RTTN: variants seen among roughly 807,000 people sequenced by gnomAD.
The protein encoded by RTTN is rotatin.
RTTN carries 182 observed loss-of-function variants against 269.2 expected under a neutral mutation model. The observed-to-expected ratio is 0.68, with a 90% CI of 0.60 to 0.76. The LOEUF is 0.76. RTTN is among the 30% of genes least tolerant of loss of function. The pLI is 0.00. For missense variants in RTTN, 2,545 were observed against 2,608.6 expected (o/e 0.98, Z 0.53); for synonymous variants, 1,006 against 963.5 (o/e 1.04, Z -0.82).
At chr18:70,190,049 T>C (rs965264779) in intron 9 of RTTN, among the ~76,000 whole-genome samples, 1 of 152,286 alleles carries the variant, frequency 6.6e-6, no homozygotes, top group African/African-American at 2.4e-5. Context: ...GTGGCTTAAG[T>C]AGCAAGAAAT....
chr18:70,075,472 A>G lies in RTTN; in HGVS notation c.4444T>C (p.Tyr1482His). ...IGKPALQALL[Y>H]HCHFYEHLNQ... ...AAATGTTCATAAAAATGGCAGTGAT[A>G]TAAAAGAGCCTGAAGGGCAGGTTTT... Residue 1482 changes from tyrosine (Y) to histidine (H), a missense_variant, in exon 33 of 49, where the codon TAT becomes CAT. Transcript: ENST00000640769. 2.5e-6 allele frequency: 4 copies of G among 1,609,108 alleles called. No homozygotes were observed. The highest frequency in any genetic ancestry group is 3.4e-6 in the Non-Finnish European group (4 of 1,177,820).
chr18:70,135,811 G>C (rs908822586), intron 21 of RTTN, among the ~76,000 whole-genome samples: 1 of 152,132 alleles, frequency 6.6e-6, no homozygotes. Context: ...TGATGGAAAA[G>C]GGAAGTGCTC....
At chr18:70,006,559 C>T (rs2056194395) in intron 46 of RTTN, 75 bp from the exon 47 acceptor site, 1 of 1,103,148 alleles carries the variant, frequency 9.1e-7, no homozygotes, top group Non-Finnish European at 1.4e-6. Flanking sequence ...ACTAGTCAGA[C>T]ACCCCCCTCT....
intron 4 of RTTN, 58 bp downstream of exon 4, chr18:70,201,836 A>G: frequency 9.7e-7 from 1 of 1,033,260 alleles, no homozygotes; most frequent in East Asian, 2.5e-5. Flanking sequence ...TAACGAAAAA[A>G]GTACATTAAT....
intron 14 of RTTN, among the ~76,000 whole-genome samples, chr18:70,163,014 T>TA (rs910916182): frequency 1.6e-4 from 19 of 118,712 alleles, no homozygotes; most frequent in Admixed American, 9.6e-4. Context: ...TTGATAAATT[T>TA]AAAAAAAACT....
In RTTN at chr18:70,169,307, G is replaced by A. The variant is rs184164050; in HGVS notation, c.1477-240C>T. On this transcript the variant is annotated intron_variant, in intron 11 of 48. Coordinates refer to ENST00000640769, the MANE Select transcript of RTTN (RefSeq NM_173630.4). ...ATATCAACTCTTTCTCAAAGCCTAAGATACTAACTACTTTCTTCTTCCCCA... is the reference window on the plus strand; with the variant it reads ...ATATCAACTCTTTCTCAAAGCCTAAAATACTAACTACTTTCTTCTTCCCCA... Among the ~76,000 whole-genome samples, 9 of 152,140 alleles carry A rather than the reference G, an allele frequency of 5.9e-5. No homozygotes were observed. In the East Asian group the frequency reaches 1.7e-3, roughly 29 times the overall value.
intron 16 of RTTN, 77 bp from the exon 17 acceptor site, chr18:70,149,114 T>C (rs2060471848): frequency 3.8e-6 from 5 of 1,302,684 alleles, no homozygotes; most frequent in African/African-American, 1.5e-5. Flanking sequence ...AAGAATTGTA[T>C]TGTCCTATCA....
rs770277745 is a variant in RTTN, at chr18:70,205,667, G to C, written c.-9C>G. The C allele has an allele frequency of 1.9e-6, 3 of 1,614,070 alleles. No homozygotes were observed. Among genetic ancestry groups the C allele is most frequent in the South Asian group, 2.2e-5 (2 of 91,084 alleles). ...AGCCCTGCCAGGACCATCTCGTCCC[G>C]TCAATCTGCAGCCGCCGGAGAATTA... On this transcript the variant is annotated 5_prime_UTR_variant, in exon 1 of 49. Coordinates refer to ENST00000640769, the MANE Select transcript of RTTN (RefSeq NM_173630.4).
At chr18:70,053,091 T>A (rs2057720950) in intron 38 of RTTN, among the ~76,000 whole-genome samples, 2 of 152,188 alleles carry the variant, frequency 1.3e-5, no homozygotes, top group South Asian at 4.1e-4. Context: ...CCAAAGGTCC[T>A]CCAGCTGCTG....
chr18:70,125,586 G>A (rs1439662279), intron 25 of RTTN, among the ~76,000 whole-genome samples: 2 of 151,946 alleles, frequency 1.3e-5, no homozygotes, highest in Non-Finnish European at 2.9e-5. Context: ...ACACAGGTAT[G>A]AACATGCTTC....
chr18:70,149,085 A>T, intron 16 of RTTN, 48 bp from the exon 17 acceptor site: 2 of 1,521,566 alleles, frequency 1.3e-6, no homozygotes, highest in Non-Finnish European at 9.0e-7. Context: ...TTGTATACAT[A>T]ACTTTTCAAC....
At chr18:70,103,725 T>C (rs1267558704) in intron 28 of RTTN, among the ~76,000 whole-genome samples, 6 of 122,650 alleles carry the variant, frequency 4.9e-5, no homozygotes, top group African/African-American at 1.9e-4. Flanking sequence ...CACATCCCCC[T>C]CTCCGAGAAA....
chr18:70,119,768 T>C (rs1243647777), intron 26 of RTTN, among the ~76,000 whole-genome samples: 1 of 152,224 alleles, frequency 6.6e-6, no homozygotes, highest in Non-Finnish European at 1.5e-5. Flanking sequence ...ATGGTTTCCA[T>C]TTTTGTTAAA....
Position 70,006,415 on chromosome 18 carries a change from G to T in RTTN, c.6491C>A (p.Ala2164Asp), listed in dbSNP as rs1176046483. The T allele has an allele frequency of 6.2e-7, 1 of 1,613,854 alleles. No individual in the cohort carries two copies. Among genetic ancestry groups the T allele is most frequent in the Non-Finnish European group, 8.5e-7 (1 of 1,179,724 alleles). Residue 2164 changes from alanine to aspartate, a missense_variant, in exon 47 of 49, where the codon GCT (alanine) becomes GAT (aspartate). Transcript: ENST00000640769. ...ATTGTAAATCAGAGCCCAAAGGGCA[G>T]CTGCTCCAATCCTCTGAGCATTTTG... Reference protein sequence around the residue: ...ENQNAQRIGAAALWALIYNYQ... With the variant: ...ENQNAQRIGADALWALIYNYQ...
chr18:70,191,516 G>A (rs1446017695), intron 8 of RTTN, among the ~76,000 whole-genome samples: 6 of 152,196 alleles, frequency 3.9e-5, no homozygotes, highest in African/African-American at 2.4e-5. Context: ...TAGTACATTC[G>A]ACATCATGTA....
Position 70,127,516 on chromosome 18 carries a change from G to A in RTTN, c.3369C>T (p.His1123=), listed in dbSNP as rs781135321. ...CGVTLKSLAW[H]TALNRFLQVL... is the part of the protein sequence containing the mutation. ...CTTACACTGACCTGTTTAGTGCGGT[G>A]TGCCAAGCCAAGGACTTCAAGGTAA... The change falls in exon 25 of 49, where the codon CAC becomes CAT. Residue 1123 remains histidine (H), a synonymous_variant. Transcript: ENST00000640769. 2.5e-6 allele frequency: 4 copies of A among 1,613,358 alleles called. No individual in the cohort carries two copies. Among genetic ancestry groups the A allele is most frequent in the African/African-American group, 1.3e-5 (1 of 74,996 alleles).
At chr18:70,129,696 C>T (rs1445926806) in intron 23 of RTTN, 1 of 151,888 alleles carries the variant, frequency 6.6e-6, no homozygotes, top group East Asian at 1.9e-4. Flanking sequence ...TAGAGAAATG[C>T]TTCAGGACAT....
chr18:70,151,895 CCCA>C (rs1198361825), intron 14 of RTTN, among the ~76,000 whole-genome samples: 22 of 152,150 alleles, frequency 1.4e-4, no homozygotes, highest in African/African-American at 5.3e-4. Flanking sequence ...AGCTCTCCTT[CCCA>C]CCACGAGTCC....
At chr18:70,095,092 ATC>A (rs2058964462) in intron 28 of RTTN, among the ~76,000 whole-genome samples, 1 of 149,514 alleles carries the variant, frequency 6.7e-6, no homozygotes, top group African/African-American at 2.5e-5. Context: ...TTGGTTTAAA[ATC>A]TGTTTTATCA....
Sources: gnomAD v4.1 joint callset for allele counts (sites outside exome capture counted in the v4.1 genomes callset) on GRCh38, gnomAD v4.1.1 for gene constraint, MANE v1.5 for transcripts, NCBI Gene and HGNC (gene_info 2026-07-23, HGNC 2026-07-21) for gene names.